The following ACTN2 variants were observed in gnomAD, a reference collection of about 807,000 sequenced individuals.
ACTN2 encodes actinin alpha 2, also known as alpha-actinin-2.
In ACTN2, 39 loss-of-function variants were observed where a neutral mutation model predicts 113.8. The observed-to-expected ratio is 0.34, with a 90% CI of 0.27 to 0.45. ACTN2 has a LOEUF of 0.45. Ranked by LOEUF, ACTN2 falls within the 20% of genes least tolerant of loss-of-function variation. ACTN2 has a pLI of 1.00. For synonymous variants in ACTN2, 429 were observed against 444.1 expected, an observed-to-expected ratio of 0.97 and a Z score of 0.43; for missense variants, 992 against 1,177.9, an observed-to-expected ratio of 0.84 and a Z score of 2.31.
chr1:236,689,085 TATAAG>T (rs2102854472), intron 1 of ACTN2, among the ~76,000 whole-genome samples: 1 of 152,238 alleles, frequency 6.6e-6, no homozygotes, highest in South Asian at 2.1e-4. Flanking sequence ...TAATGAGTTT[TATAAG>T]AGAAGGGAAT....
At chr1:236,698,745 A>T (rs1657591789) in intron 1 of ACTN2, among the ~76,000 whole-genome samples, 2 of 152,250 alleles carry the variant, frequency 1.3e-5, no homozygotes, top group Admixed American at 1.3e-4. Flanking sequence ...TGAATTGAAA[A>T]ATGAGAGATT....
chr1:236,687,613 G>T (rs1042576874), intron 1 of ACTN2, among the ~76,000 whole-genome samples: 3 of 152,238 alleles, frequency 2.0e-5, no homozygotes, highest in African/African-American at 7.2e-5. Context: ...TATGGCAAAA[G>T]CCAAACGCTC....
Position 236,751,593 on chromosome 1 carries a change from A to G in ACTN2, c.1780A>G (p.Ser594Gly), listed in dbSNP as rs1572143496. The G allele has an allele frequency of 6.2e-7, 1 of 1,614,068 alleles. No homozygotes were observed. Among genetic ancestry groups the G allele is most frequent in the Non-Finnish European group, 8.5e-7 (1 of 1,179,944 alleles). Residue 594 changes from serine (S) to glycine (G), a missense_variant, in exon 15 of 21, where the codon AGC becomes GGC. Ser to Gly is a moderately conservative substitution (Grantham distance 56). Coordinates refer to ENST00000366578, the MANE Select transcript of ACTN2 (RefSeq NM_001103.4). ...GATTCAGAGCTACAACATCAGAATC[A>G]GCTCAAGCAACCCGTACAGCACTGT... ...KVIQSYNIRI[S>G]SSNPYSTVTM... is the part of the protein sequence containing the mutation.
chr1:236,692,022 C>CT (rs1666101797), intron 1 of ACTN2, among the ~76,000 whole-genome samples: 1 of 152,234 alleles, frequency 6.6e-6, no homozygotes, highest in Non-Finnish European at 1.5e-5. Flanking sequence ...GTTTTTTGAG[C>CT]TGGGAAGACC....
rs75010158 is a variant in ACTN2, at chr1:236,760,244, C to CA, written c.2367+468dup. Among the ~76,000 whole-genome samples, 1,079 of 131,970 alleles carry CA rather than the reference C, an allele frequency of 8.2e-3. 10 individuals carry two copies. The highest frequency in any genetic ancestry group is 0.025 in the African/African-American group (881 of 35,772). 86.6% of individuals were successfully genotyped at this position (131,970 alleles called of 152,430 possible). A position where few individuals can be genotyped will look rare whatever the true frequency, so the allele number is the denominator to read the frequency against. On this transcript the variant is annotated intron_variant, in intron 19 of 20. Transcript: ENST00000366578. The stretch of plus-strand genomic sequence containing the variant: ...CTAGATGACAAGAGTGAAACTCCAT[C>CA]AAAAAAAAAAAAAGTCACAGAACCA...
Position 236,754,095 on chromosome 1 carries a change from C to T in ACTN2, c.1974+14C>T, listed in dbSNP as rs1659481365. On this transcript the variant is annotated intron_variant, in intron 16 of 20. Coordinates refer to ENST00000366578, the MANE Select transcript of ACTN2 (RefSeq NM_001103.4). The surrounding 1 kb of genome is among the most constrained non-coding windows in gnomAD (Gnocchi z 4.9). Reference sequence around the variant, plus strand: ...AACAAGATGGAGGTAAGCCAGCGCCCTCCCAGGCGCTGTTCACAAGCCTTG... The same window carrying T: ...AACAAGATGGAGGTAAGCCAGCGCCTTCCCAGGCGCTGTTCACAAGCCTTG... The T allele has an allele frequency of 6.2e-7, 1 of 1,613,272 alleles. No homozygotes were observed. Among genetic ancestry groups the T allele is most frequent in the Non-Finnish European group, 8.5e-7 (1 of 1,180,030 alleles).
chr1:236,749,027 T>C, intron 13 of ACTN2, 97 bp from the exon 14 acceptor site: 1 of 1,320,868 alleles, frequency 7.6e-7, no homozygotes, highest in Non-Finnish European at 1.1e-6. Flanking sequence ...ATTAACAGAA[T>C]ATCAGAGAAT....
chr1:236,743,095 G>T (rs1221457286), intron 11 of ACTN2, 52 bp downstream of exon 11: 2 of 1,605,546 alleles, frequency 1.2e-6, no homozygotes, highest in Non-Finnish European at 1.7e-6. Flanking sequence ...GTTGAGCCAT[G>T]CCCAGAGCCA....
In ACTN2 at chr1:236,754,188, C is replaced by A; in HGVS notation, c.1974+107C>A. ...TGTGGTTTCCAGCCACCCACTCAGTCAGGTGGGAGCACCGTTCTGTTATCA... is the reference window on the plus strand; with the variant it reads ...TGTGGTTTCCAGCCACCCACTCAGTAAGGTGGGAGCACCGTTCTGTTATCA... On this transcript the variant is annotated intron_variant, in intron 16 of 20. Transcript: ENST00000366578. The surrounding 1 kb of genome is among the most constrained non-coding windows in gnomAD (Gnocchi z 4.9). 7.0e-7 allele frequency: 1 copy of A among 1,425,370 alleles called. No homozygotes were observed. Among genetic ancestry groups the A allele is most frequent in the Non-Finnish European group, 9.7e-7 (1 of 1,027,422 alleles). The allele number at this position is 1,425,370 out of a possible 1,614,324, so 88.3% of individuals were successfully genotyped here. A position where few individuals can be genotyped will look rare whatever the true frequency, so the allele number is the denominator to read the frequency against.
chr1:236,696,703 G>A (rs1252885023), intron 1 of ACTN2, among the ~76,000 whole-genome samples: 1 of 133,698 alleles, frequency 7.5e-6, no homozygotes, highest in Non-Finnish European at 1.5e-5. Context: ...GTCTTGCTCT[G>A]TCGCCAGGCT....
chr1:236,762,522 T>C lies in ACTN2; in HGVS notation c.2588T>C (p.Ile863Thr). 6.2e-7 allele frequency: 1 copy of C among 1,614,164 alleles called. No homozygotes were observed. The highest frequency in any genetic ancestry group is 2.2e-5 in the East Asian group (1 of 44,888). ...CCCCCGGATCAGGCCCAGTACTGCA[T>C]CAAGAGGATGCCCGCCTACTCGGGC... The part of the protein sequence containing the change: ...ELPPDQAQYC[I>T]KRMPAYSGPG... Residue 863 changes from isoleucine to threonine, a missense_variant, in exon 21 of 21, where the codon ATC becomes ACC. Physicochemically the swap from Ile to Thr is moderately conservative, Grantham distance 89. Transcript: ENST00000366578.
In ACTN2 at chr1:236,739,371, A is replaced by G. The variant is rs1409649756; in HGVS notation, c.946A>G (p.Met316Val). The change falls in exon 10 of 21, where the codon ATG becomes GTG. Residue 316 changes from methionine to valine, a missense_variant. Transcript: ENST00000366578. ...NRTPEKTMQAMQKKLEDFRDY... is the reference protein window; with the variant it reads ...NRTPEKTMQAVQKKLEDFRDY... ...GACTCCCGAGAAGACCATGCAAGCC[A>G]TGCAGAAGAAGCTGGAGGACTTCCG... 1 of 1,614,092 alleles carries G rather than the reference A, an allele frequency of 6.2e-7. No individual in the cohort carries two copies.
intron 14 of ACTN2, among the ~76,000 whole-genome samples, chr1:236,751,009 G>A (rs1338368258): frequency 6.9e-6 from 1 of 144,400 alleles, no homozygotes. Context: ...AGGATTACTT[G>A]AGCCCAAGTG....
chr1:236,762,442 C>T lies in ACTN2; in HGVS notation c.2527-19C>T, dbSNP rs765325935. 1.1e-5 allele frequency: 18 copies of T among 1,613,760 alleles called. No individual in the cohort carries two copies. The highest frequency in any genetic ancestry group is 9.3e-5 in the African/African-American group (7 of 74,910). The stretch of plus-strand genomic sequence containing the variant: ...GTGTTTCTGCAACTGACTGCAAACA[C>T]GTGTGTATTTTTTCCCAGCCATACA... On this transcript the variant is annotated intron_variant, in intron 20 of 20. Transcript: ENST00000366578.
At chr1:236,746,021 C>T (rs1486022044) in intron 12 of ACTN2, among the ~76,000 whole-genome samples, 1 of 151,668 alleles carries the variant, frequency 6.6e-6, no homozygotes, top group African/African-American at 2.4e-5. Flanking sequence ...AAAAAATTAG[C>T]CAGGCATGGT....
chr1:236,689,384 G>A (rs1665999513), intron 1 of ACTN2, among the ~76,000 whole-genome samples: 1 of 146,696 alleles, frequency 6.8e-6, no homozygotes, highest in African/African-American at 2.5e-5. Flanking sequence ...AATATGTAAT[G>A]TTTAGAGACA....
chr1:236,747,393 A>T (rs1440907094), intron 12 of ACTN2, among the ~76,000 whole-genome samples: 1 of 152,152 alleles, frequency 6.6e-6, no homozygotes, highest in African/African-American at 2.4e-5. Flanking sequence ...CAGTTTTGCT[A>T]CATGTGGCCA....
At chr1:236,723,903 G>A (rs1418311675) in intron 4 of ACTN2, among the ~76,000 whole-genome samples, 2 of 152,142 alleles carry the variant, frequency 1.3e-5, no homozygotes, top group Non-Finnish European at 2.9e-5. Context: ...TTTAAATATA[G>A]GCGGAATCCT....
chr1:236,709,328 ATG>A (rs1491391228), intron 1 of ACTN2, among the ~76,000 whole-genome samples: 2 of 137,004 alleles, frequency 1.5e-5, no homozygotes, highest in East Asian at 4.1e-4. Flanking sequence ...ATATATATAC[ATG>A]TATATATATA....
Sources: allele counts gnomAD v4.1 joint callset (sites outside exome capture counted in the v4.1 genomes callset), GRCh38; gene constraint gnomAD v4.1.1; non-coding constraint Gnocchi (gnomAD v3.1); transcripts MANE v1.5; gene names NCBI Gene and HGNC (gene_info 2026-07-23, HGNC 2026-07-21).